Variants in HDAC9 observed in about 807,000 individuals in gnomAD.
The protein encoded by HDAC9 is histone deacetylase 9.
HDAC9 carries 41 observed loss-of-function variants against 139.4 expected under a neutral mutation model. The ratio of observed to expected loss-of-function variants is 0.29; its 90% CI spans 0.23 to 0.38. The LOEUF is 0.38. Among genes scored for constraint, HDAC9 ranks in the 10% least tolerant of loss-of-function variants. HDAC9 has a pLI of 1.00. For synonymous variants in HDAC9, 517 were observed against 476.2 expected (o/e 1.09, Z -1.12); for missense variants, 1,147 against 1,297.0 (o/e 0.88, Z 1.78).
At chr7:18,995,023 A>C (rs1412621866) in intron 25 of HDAC9, among the ~76,000 whole-genome samples, 2 of 152,234 alleles carry the variant, frequency 1.3e-5, no homozygotes, top group Non-Finnish European at 2.9e-5. Flanking sequence ...CATGTTAGAC[A>C]GCAAAGGGAC....
chr7:18,883,053 T>A (rs949060261), intron 22 of HDAC9, among the ~76,000 whole-genome samples: 20 of 152,204 alleles, frequency 1.3e-4, no homozygotes, highest in Admixed American at 1.3e-3. Context: ...AAAGTGGTAA[T>A]GTTTTTAAAA....
intron 25 of HDAC9, among the ~76,000 whole-genome samples, chr7:18,980,715 C>CTCTTCTTCTTCTT (rs756067173): frequency 7.5e-6 from 1 of 133,466 alleles, no homozygotes; most frequent in African/African-American, 2.8e-5. Context: ...TTCCTTCTTC[C>CTCTTCTTCTTCTT]TCTTCTTCTT....
rs1563049248 is a variant in HDAC9 at position 18,495,867 on chromosome 7, T to C, written c.-198T>C. Reference sequence around the variant, plus strand: ...AACTCTAAGCCAGGTTTAATTGGTTTCTTTTTCTCGTGGGTAGACTTAATA... The same window carrying C: ...AACTCTAAGCCAGGTTTAATTGGTTCCTTTTTCTCGTGGGTAGACTTAATA... On this transcript the variant is annotated 5_prime_UTR_variant, in exon 1 of 26. Transcript: ENST00000686413. 1 of 1,094,758 alleles carries C rather than the reference T, an allele frequency of 9.1e-7. No homozygotes were observed. 67.8% of individuals were successfully genotyped at this position (1,094,758 alleles called of 1,614,324 possible).
intron 2 of HDAC9, among the ~76,000 whole-genome samples, chr7:18,207,656 A>C (rs1791632584): frequency 6.7e-6 from 1 of 149,314 alleles, no homozygotes; most frequent in African/African-American, 2.5e-5. Context: ...GCATGCATAC[A>C]CACACACACA....
At chr7:18,141,378 CAG>C (rs752410811) in intron 1 of HDAC9, among the ~76,000 whole-genome samples, 4 of 152,106 alleles carry the variant, frequency 2.6e-5, no homozygotes, top group Non-Finnish European at 4.4e-5. Context: ...ATCCAAGGTG[CAG>C]AGAGTCTAAA....
intron 12 of HDAC9, among the ~76,000 whole-genome samples, chr7:18,721,977 A>C (rs1785180100): frequency 6.6e-6 from 1 of 152,236 alleles, no homozygotes; most frequent in South Asian, 2.1e-4. Context: ...ATGGGGCCAC[A>C]AAGGCATTGA....
chr7:18,398,145 A>G (rs1787220087), intron 1 of HDAC9, among the ~76,000 whole-genome samples: 1 of 152,210 alleles, frequency 6.6e-6, no homozygotes, highest in South Asian at 2.1e-4. Flanking sequence ...CATCCCTTGT[A>G]GCTTCTACTT....
chr7:18,481,220 G>A (rs997272494), intron 1 of HDAC9, among the ~76,000 whole-genome samples: 2 of 152,150 alleles, frequency 1.3e-5, no homozygotes, highest in Non-Finnish European at 2.9e-5. Flanking sequence ...TGATAGTGAT[G>A]ATGGACATGG....
Position 18,980,371 on chromosome 7 carries a change from T to A in HDAC9, c.3170+4418T>A, listed in dbSNP as rs897625826. 3.9e-5 allele frequency among the ~76,000 whole-genome samples: 6 copies of A among 152,218 alleles called. No homozygotes were observed. In the South Asian group the frequency reaches 1.0e-3, roughly 26 times the overall value. Reference sequence around the variant, plus strand: ...CTCATCTTTTTCTTCACTCCTTCAATCCTATCCTCTTACCACTACAGAGGA... The same window carrying A: ...CTCATCTTTTTCTTCACTCCTTCAAACCTATCCTCTTACCACTACAGAGGA... On this transcript the variant is annotated intron_variant, in intron 25 of 25. Transcript: ENST00000686413.
intron 1 of HDAC9, among the ~76,000 whole-genome samples, chr7:18,443,278 C>T (rs943233593): frequency 5.9e-5 from 9 of 151,816 alleles, no homozygotes; most frequent in South Asian, 2.1e-4. Flanking sequence ...ATTTTGTGTA[C>T]GTGGCAACAT....
intron 1 of HDAC9, among the ~76,000 whole-genome samples, chr7:18,392,315 TCACACACA>T (rs57932620): frequency 0.031 from 3,700 of 119,262 alleles, 170 homozygotes; most frequent in African/African-American, 0.12. Flanking sequence ...TCTCTCTCTC[TCACACACA>T]CACACACACA....
In HDAC9 at chr7:18,544,726, G is replaced by A. The variant is rs367789135; in HGVS notation, c.23-40555G>A. Among the ~76,000 whole-genome samples, 8 of 152,318 alleles carry A rather than the reference G, an allele frequency of 5.3e-5. No individual in the cohort carries two copies. The South Asian group carries it at 8.3e-4, about 16-fold the overall frequency. ...GACTATTAGAAACTAAGGAAAGACA[G>A]TATTTCAGGAAGGGGGAGCTGATCA... On this transcript the variant is annotated intron_variant, in intron 2 of 25. Transcript: ENST00000686413.
intron 2 of HDAC9, among the ~76,000 whole-genome samples, chr7:18,283,167 G>A (rs1470501136): frequency 1.3e-5 from 2 of 152,074 alleles, no homozygotes; most frequent in African/African-American, 4.8e-5. Context: ...TCAACAGGAA[G>A]CGTGACTGGG....
intron 22 of HDAC9, among the ~76,000 whole-genome samples, chr7:18,912,800 C>T (rs1392744522): frequency 6.6e-6 from 1 of 151,762 alleles, no homozygotes; most frequent in Non-Finnish European, 1.5e-5. Flanking sequence ...TAGAGTAATC[C>T]CCTATTACTC....
chr7:18,288,532 G>A (rs1797599635), upstream of HDAC9, among the ~76,000 whole-genome samples: 1 of 152,070 alleles, frequency 6.6e-6, no homozygotes. Context: ...TTACTTGTTG[G>A]TAGTAGGGCA....
chr7:18,856,596 T>A (rs1797700421), intron 21 of HDAC9, among the ~76,000 whole-genome samples: 1 of 152,176 alleles, frequency 6.6e-6, no homozygotes, highest in African/African-American at 2.4e-5. Flanking sequence ...ATGTACATTA[T>A]GAATGTATAT....
intron 12 of HDAC9, 58 bp downstream of exon 12, chr7:18,666,534 A>G: frequency 6.4e-7 from 1 of 1,570,300 alleles, no homozygotes. Flanking sequence ...CTGAACATGA[A>G]ATGCATTGCA....
chr7:18,798,888 A>G (rs933073601), intron 17 of HDAC9, among the ~76,000 whole-genome samples: 4 of 152,148 alleles, frequency 2.6e-5, no homozygotes, highest in Non-Finnish European at 4.4e-5. Flanking sequence ...ATAGGGCTAT[A>G]TGCATACTCA....
At chr7:18,249,148 A>G (rs1025862857) in intron 2 of HDAC9, among the ~76,000 whole-genome samples, 3 of 152,182 alleles carry the variant, frequency 2.0e-5, no homozygotes, top group African/African-American at 4.8e-5. Flanking sequence ...ATATTTTGGT[A>G]TATATTTTCT....
Sources: allele counts gnomAD v4.1 joint callset (sites outside exome capture counted in the v4.1 genomes callset), GRCh38; gene constraint gnomAD v4.1.1; transcripts MANE v1.5; gene names NCBI Gene and HGNC (gene_info 2026-07-23, HGNC 2026-07-21).